LRRN2: variants seen among roughly 807,000 people sequenced by gnomAD.
LRRN2 encodes the protein leucine rich repeat neuronal 2, also known as leucine-rich repeat neuronal protein 2.
A neutral mutation model predicts 35.7 loss-of-function variants in LRRN2; 10 were observed. That is an observed-to-expected ratio of 0.28 (90% CI 0.17 to 0.47). The LOEUF is 0.47. Ranked by LOEUF, LRRN2 falls within the 20% of genes least tolerant of loss-of-function variation. The pLI, the probability that LRRN2 is intolerant of heterozygous loss-of-function variation, is 0.99. For missense variants in LRRN2, 731 were observed against 940.3 expected (o/e 0.78, Z 2.91); for synonymous variants, 391 against 409.6 (o/e 0.95, Z 0.55).
At chr1:204,666,371 T>C (rs186511882) in intron 1 of LRRN2, among the ~76,000 whole-genome samples, 174 of 152,386 alleles carry the variant, frequency 1.1e-3, no homozygotes, top group African/African-American at 4.0e-3. Context: ...TAAAACACCA[T>C]GCTAGGTGCT....
In LRRN2 at chr1:204,620,075, C is replaced by A; in HGVS notation, c.-83G>T. 6.6e-7 allele frequency: 1 copy of A among 1,507,372 alleles called. No individual in the cohort carries two copies. The highest frequency in any genetic ancestry group is 8.9e-7 in the Non-Finnish European group (1 of 1,124,942). 93.4% of individuals were successfully genotyped at this position (1,507,372 alleles called of 1,614,324 possible). A position where few individuals can be genotyped will look rare whatever the true frequency, so the allele number is the denominator to read the frequency against. On this transcript the variant is annotated 5_prime_UTR_variant, in exon 2 of 2. Coordinates refer to ENST00000367177, the MANE Select transcript of LRRN2 (RefSeq NM_201630.2). Reference sequence around the variant, plus strand: ...TGTTTTGCAGGGTAAGGGTCAGCAACCCTGCCAGGGCCCAAGGAACCACCC... The same window carrying A: ...TGTTTTGCAGGGTAAGGGTCAGCAAACCTGCCAGGGCCCAAGGAACCACCC...
chr1:204,653,590 G>A (rs1241095205), intron 1 of LRRN2, among the ~76,000 whole-genome samples: 1 of 152,216 alleles, frequency 6.6e-6, no homozygotes, highest in Non-Finnish European at 1.5e-5. Flanking sequence ...CCCGGGTGCA[G>A]TGGCTCATGC....
In LRRN2 at chr1:204,685,667, C is replaced by G. The variant is rs937704261; in HGVS notation, c.-574G>C. 3.1e-4 allele frequency: 47 copies of G among 152,316 alleles called. No individual in the cohort carries two copies. The highest frequency in any genetic ancestry group is 1.1e-3 in the African/African-American group (45 of 41,558). 9.4% of individuals were successfully genotyped at this position (152,316 alleles called of 1,614,324 possible). On this transcript the variant is annotated 5_prime_UTR_variant, in exon 1 of 2. Transcript: ENST00000367177. ...CAGGCCCTCGCGGCGCCCGGCACCC[C>G]CTCCACGCGCGCCCCTCTTCCCGGC... is the stretch of plus-strand genomic sequence containing the variant.
At chr1:204,685,283 G>T (rs1669047146) in intron 1 of LRRN2, 37 bp downstream of exon 1, 1 of 152,198 alleles carries the variant, frequency 6.6e-6, no homozygotes, top group Non-Finnish European at 1.5e-5. Flanking sequence ...CGGCGGCGGC[G>T]GCGCTGCCCA....
intron 1 of LRRN2, among the ~76,000 whole-genome samples, chr1:204,651,286 G>A (rs1037652442): frequency 1.3e-5 from 2 of 152,202 alleles, no homozygotes; most frequent in Admixed American, 6.5e-5. Flanking sequence ...AGTCCAGCTG[G>A]CTGGCACCTT....
intron 1 of LRRN2, among the ~76,000 whole-genome samples, chr1:204,661,646 T>C (rs1668474276): frequency 2.0e-5 from 3 of 152,170 alleles, no homozygotes; most frequent in Admixed American, 2.0e-4. Context: ...GGCTTGAACA[T>C]CTGCCCAGTT....
intron 1 of LRRN2, chr1:204,629,267 C>T (rs1667603699): frequency 6.6e-6 from 1 of 152,394 alleles, no homozygotes; most frequent in Admixed American, 6.5e-5. Context: ...AATTCCTTTC[C>T]ATCTCTGAAG....
chr1:204,655,325 T>A (rs2102613189), intron 1 of LRRN2, among the ~76,000 whole-genome samples: 1 of 152,346 alleles, frequency 6.6e-6, no homozygotes, highest in East Asian at 1.9e-4. Context: ...TCTTGCTCTG[T>A]CACCCAGGCT....
At chr1:204,630,399 A>G (rs1667657310) in intron 1 of LRRN2, among the ~76,000 whole-genome samples, 2 of 152,328 alleles carry the variant, frequency 1.3e-5, no homozygotes, top group African/African-American at 2.4e-5. Flanking sequence ...CCAGTTAAAC[A>G]TGGAGAAAGG....
intron 1 of LRRN2, among the ~76,000 whole-genome samples, chr1:204,662,293 G>C (rs1318400100): frequency 6.6e-6 from 1 of 152,204 alleles, no homozygotes; most frequent in Non-Finnish European, 1.5e-5. Flanking sequence ...CTAGGATATA[G>C]TGAGGGGGAG....
rs180976576 is a variant in LRRN2, at chr1:204,666,721, G to A, written c.-227+18599C>T. Among the ~76,000 whole-genome samples the A allele has an allele frequency of 1.6e-3, 247 of 152,280 alleles. 2 individuals are homozygous for A. The highest frequency in any genetic ancestry group is 0.01 in the Middle Eastern group (3 of 294). On this transcript the variant is annotated intron_variant, in intron 1 of 1. Coordinates refer to ENST00000367177, the MANE Select transcript of LRRN2 (RefSeq NM_201630.2). ...CATGCCTGTAATCCCAGCTCTTTGG[G>A]ATGCCAAGGCAGATGGATCACTTTA...
At chr1:204,636,215 T>C (rs1447678457) in intron 1 of LRRN2, among the ~76,000 whole-genome samples, 4 of 152,188 alleles carry the variant, frequency 2.6e-5, no homozygotes, top group Admixed American at 6.5e-5. Flanking sequence ...ATTGCTGTGA[T>C]GCATACAGAA....
intron 1 of LRRN2, among the ~76,000 whole-genome samples, chr1:204,654,908 C>A (rs560370750): frequency 6.6e-6 from 1 of 152,122 alleles, no homozygotes. Context: ...TTCTTGCCAC[C>A]CCCCCAGCAC....
At chr1:204,670,546 T>C (rs1668685997) in intron 1 of LRRN2, among the ~76,000 whole-genome samples, 1 of 152,044 alleles carries the variant, frequency 6.6e-6, no homozygotes, top group Non-Finnish European at 1.5e-5. Flanking sequence ...ACGGAAGCCG[T>C]TCGTGTGGCT....
At chr1:204,642,530 C>CAAGGGAGGG (rs138881554) in intron 1 of LRRN2, among the ~76,000 whole-genome samples, 82,068 of 151,672 alleles carry the variant, frequency 0.54, 23,474 homozygotes, top group East Asian at 0.68. Flanking sequence ...GCAGGGTAGG[C>CAAGGGAGGG]AAAAAGGTGC....
intron 1 of LRRN2, among the ~76,000 whole-genome samples, chr1:204,674,498 A>C (rs1405397076): frequency 6.6e-6 from 1 of 152,104 alleles, no homozygotes; most frequent in Non-Finnish European, 1.5e-5. Flanking sequence ...GAAGGTCAAA[A>C]TGCCTGGCAG....
At chr1:204,671,642 TAAAAAAAA>T (rs35192809) in intron 1 of LRRN2, among the ~76,000 whole-genome samples, 1 of 30,252 alleles carries the variant, frequency 3.3e-5, no homozygotes, top group Non-Finnish European at 5.4e-5. Flanking sequence ...TAATTGATGG[TAAAAAAAA>T]AAAAAAAAAA....
chr1:204,685,293 A>G (rs1355068880), intron 1 of LRRN2, 27 bp downstream of exon 1: 2 of 152,034 alleles, frequency 1.3e-5, no homozygotes, highest in Admixed American at 1.3e-4. Flanking sequence ...GGCGCTGCCC[A>G]GGTCAGCCCC....
chr1:204,630,093 A>C (rs1378897874), intron 1 of LRRN2, among the ~76,000 whole-genome samples: 1 of 152,198 alleles, frequency 6.6e-6, no homozygotes, highest in African/African-American at 2.4e-5. Context: ...TACATAAAAT[A>C]AAAATTGAAA....
Sources: gnomAD v4.1 joint callset for allele counts (sites outside exome capture counted in the v4.1 genomes callset) on GRCh38, gnomAD v4.1.1 for gene constraint, MANE v1.5 for transcripts, NCBI Gene and HGNC (gene_info 2026-07-23, HGNC 2026-07-21) for gene names.